Variants in TOPBP1 observed in about 807,000 individuals in gnomAD.
The protein encoded by TOPBP1 is DNA topoisomerase II binding protein 1.
A neutral mutation model predicts 167.7 loss-of-function variants in TOPBP1; 28 were observed. The ratio of observed to expected loss-of-function variants is 0.17; its 90% CI spans 0.12 to 0.23. TOPBP1 has a LOEUF of 0.23. TOPBP1 is among the 10% of genes least tolerant of loss of function. TOPBP1 has a pLI of 1.00. For synonymous variants in TOPBP1, 598 were observed against 611.4 expected (o/e 0.98, Z 0.32); for missense variants, 1,554 against 1,809.6 (o/e 0.86, Z 2.56).
At chr3:133,617,455 C>T (rs1297707714) in intron 21 of TOPBP1, 129 bp from the exon 22 acceptor site, 1 of 1,015,632 alleles carries the variant, frequency 9.8e-7, no homozygotes, top group East Asian at 2.9e-5. Flanking sequence ...AAAGTACAGG[C>T]AAAAAAGTAT....
rs142210268 is a variant in TOPBP1, at chr3:133,604,897, C to T, written c.4426-3504G>A. ...TTGCCCCACTGCACTCCAGGCTGGGCGACAGAGCAAGACTCCATCTAAAAA... is the reference window on the plus strand; with the variant it reads ...TTGCCCCACTGCACTCCAGGCTGGGTGACAGAGCAAGACTCCATCTAAAAA... On this transcript the variant is annotated intron_variant, in intron 27 of 27. Coordinates refer to ENST00000260810, the MANE Select transcript of TOPBP1 (RefSeq NM_007027.4). Among the ~76,000 whole-genome samples the T allele has an allele frequency of 2.9e-4, 44 of 151,468 alleles. 1 individual carries two copies. In the South Asian group the frequency reaches 2.9e-3, roughly 10 times the overall value.
intron 21 of TOPBP1, 137 bp from the exon 22 acceptor site, chr3:133,617,463 T>C: frequency 6.6e-6 from 6 of 913,548 alleles, no homozygotes; most frequent in Non-Finnish European, 9.1e-6. Context: ...GGCAAAAAAG[T>C]ATCCTATCCC....
intron 27 of TOPBP1, among the ~76,000 whole-genome samples, chr3:133,607,594 C>T (rs11718234): frequency 0.14 from 21,242 of 151,934 alleles, 1,808 homozygotes; most frequent in Non-Finnish European, 0.2. Flanking sequence ...CCTAAACTTT[C>T]GAGCACTTAT....
At chr3:133,610,633 AT>A (rs1441912195) in intron 25 of TOPBP1, among the ~76,000 whole-genome samples, 22 of 138,812 alleles carry the variant, frequency 1.6e-4, no homozygotes, top group African/African-American at 4.5e-4. Context: ...GCTGATTAAA[AT>A]TTAAAAAAAA....
chr3:133,661,341 C>T (rs566338924), intron 1 of TOPBP1, among the ~76,000 whole-genome samples: 1 of 152,304 alleles, frequency 6.6e-6, no homozygotes, highest in South Asian at 2.1e-4. Flanking sequence ...CCTTGCAAAT[C>T]AGACAGCAAA....
chr3:133,646,138 T>C (rs1936065944), intron 10 of TOPBP1, among the ~76,000 whole-genome samples: 1 of 151,542 alleles, frequency 6.6e-6, no homozygotes, highest in Non-Finnish European at 1.5e-5. Context: ...AGAGCAAGAC[T>C]GCATCTCAAA....
At chr3:133,656,557 A>G in intron 5 of TOPBP1, 119 bp downstream of exon 5, 1 of 991,482 alleles carries the variant, frequency 1.0e-6, no homozygotes, top group Non-Finnish European at 1.4e-6. Context: ...TCGCTGGAGA[A>G]AAGAGTAATG....
chr3:133,650,626 T>C (rs1936260346), intron 8 of TOPBP1, among the ~76,000 whole-genome samples: 1 of 152,096 alleles, frequency 6.6e-6, no homozygotes, highest in African/African-American at 2.4e-5. Flanking sequence ...TTACCTCTAT[T>C]TTACATAAGG....
Position 133,655,346 on chromosome 3 carries a change from T to C in TOPBP1, c.686A>G (p.Tyr229Cys). Reference sequence around the variant, plus strand: ...TTCATTCATTTTCAATTGTCCCATGTATTGACCTCCATGCTTAACTGTGAG... The same window carrying C: ...TTCATTCATTTTCAATTGTCCCATGCATTGACCTCCATGCTTAACTGTGAG... ...QQLTVKHGGQ[Y>C]MGQLKMNECT... The change falls in exon 6 of 28, where the codon TAC becomes TGC. Residue 229 changes from tyrosine to cysteine, a missense_variant. Around this residue, in one of 3 missense-constraint regions of TOPBP1, gnomAD observed 1,197 missense variants for 1,351.5 expected, o/e 0.89. Coordinates refer to ENST00000260810, the MANE Select transcript of TOPBP1 (RefSeq NM_007027.4). 1 of 1,603,448 alleles carries C rather than the reference T, an allele frequency of 6.2e-7. No individual in the cohort carries two copies. The highest frequency in any genetic ancestry group is 8.5e-7 in the Non-Finnish European group (1 of 1,175,104).
intron 16 of TOPBP1, among the ~76,000 whole-genome samples, chr3:133,625,311 A>C (rs775044869): frequency 7.2e-5 from 11 of 152,360 alleles, no homozygotes; most frequent in Non-Finnish European, 8.8e-5. Flanking sequence ...TAAAAACCAA[A>C]GGGTAGGTAA....
At chr3:133,608,510 A>T in intron 27 of TOPBP1, 25 bp downstream of exon 27, 2 of 1,609,540 alleles carry the variant, frequency 1.2e-6, no homozygotes, top group South Asian at 1.1e-5. Context: ...GGTAATGAGG[A>T]GGTCAAGGAT....
intron 11 of TOPBP1, 64 bp downstream of exon 11, chr3:133,643,956 C>T (rs1296056266): frequency 2.1e-6 from 3 of 1,447,348 alleles, no homozygotes; most frequent in Non-Finnish European, 2.8e-6. Flanking sequence ...AAGAAATAAA[C>T]ATTAACCTTC....
chr3:133,643,924 A>C, intron 11 of TOPBP1, 96 bp downstream of exon 11: 1 of 1,267,902 alleles, frequency 7.9e-7, no homozygotes, highest in Non-Finnish European at 1.1e-6. Context: ...CCAAGCATTG[A>C]TTTACTGTAA....
At chr3:133,635,101 T>C (rs559104379) in intron 14 of TOPBP1, among the ~76,000 whole-genome samples, 7 of 152,298 alleles carry the variant, frequency 4.6e-5, no homozygotes, top group African/African-American at 1.4e-4. Flanking sequence ...AGAAGAGGTA[T>C]GCATCATCAT....
At chr3:133,656,570 A>G (rs1041819327) in intron 5 of TOPBP1, 106 bp downstream of exon 5, 1 of 1,084,622 alleles carries the variant, frequency 9.2e-7, no homozygotes, top group Non-Finnish European at 1.3e-6. Context: ...GAGTAATGAC[A>G]CTATTTTTTT....
chr3:133,625,679 C>T (rs1005746170), intron 16 of TOPBP1, among the ~76,000 whole-genome samples: 4 of 151,026 alleles, frequency 2.6e-5, no homozygotes, highest in African/African-American at 7.3e-5. Context: ...TGTGGTGAGT[C>T]GAGATTATGT....
At chr3:133,617,892 T>C (rs551602879) in intron 21 of TOPBP1, among the ~76,000 whole-genome samples, 4 of 152,084 alleles carry the variant, frequency 2.6e-5, no homozygotes, top group South Asian at 2.1e-4. Context: ...AATAAGATGA[T>C]AGGAAGAAAA....
rs1250186606 is a variant in TOPBP1 at position 133,611,155 on chromosome 3, C to T, written c.4036-14G>A. 6.2e-7 allele frequency: 1 copy of T among 1,605,010 alleles called. No homozygotes were observed. The highest frequency in any genetic ancestry group is 1.7e-5 in the Admixed American group (1 of 59,292). ...ATAGTCTTCTTCCTAGAGAATTTGT[C>T]CAACAAACCTGAGTTGTTACAGTCT... On this transcript the variant is annotated splice_polypyrimidine_tract_variant and intron_variant, in intron 24 of 27. Transcript: ENST00000260810.
At chr3:133,627,550 A>G (rs1327716172) in intron 16 of TOPBP1, among the ~76,000 whole-genome samples, 1 of 152,242 alleles carries the variant, frequency 6.6e-6, no homozygotes, top group East Asian at 1.9e-4. Flanking sequence ...TTTTACTCCT[A>G]TATTTTCCTG....
Sources: allele counts gnomAD v4.1 joint callset (sites outside exome capture counted in the v4.1 genomes callset), GRCh38; gene constraint gnomAD v4.1.1; regional missense constraint gnomAD v4.1.1; transcripts MANE v1.5; gene names NCBI Gene and HGNC (gene_info 2026-07-23, HGNC 2026-07-21).